The following PDE3A variants were observed in gnomAD, a reference collection of about 807,000 sequenced individuals.
PDE3A encodes phosphodiesterase 3A.
A neutral mutation model predicts 98.3 loss-of-function variants in PDE3A; 43 were observed. That is an observed-to-expected ratio of 0.44 (90% CI 0.34 to 0.56). The LOEUF (loss-of-function observed/expected upper bound fraction) is 0.56, where lower values mean the gene tolerates loss of function less well. Among genes scored for constraint, PDE3A ranks in the 20% least tolerant of loss-of-function variants. The probability of loss-of-function intolerance (pLI) is 0.01; values close to 1 mark genes in which losing one functional copy is unlikely to be tolerated. For synonymous variants in PDE3A, 663 were observed against 567.9 expected (o/e 1.17, Z -2.38); for missense variants, 1,427 against 1,440.7 (o/e 0.99, Z 0.15).
chr12:20,615,219 G>A (rs1470958816), intron 3 of PDE3A, among the ~76,000 whole-genome samples: 2 of 151,654 alleles, frequency 1.3e-5, no homozygotes. Context: ...TAACTTTTAA[G>A]GTCAAGAACC....
rs2229180 is a variant in PDE3A, at chr12:20,648,864, T to C, written c.2742T>C (p.Phe914=). The C allele has an allele frequency of 5.4e-3, 8,733 of 1,613,206 alleles. 61 individuals are homozygous for C. Among genetic ancestry groups the C allele is most frequent in the Middle Eastern group, 0.017 (104 of 6,038 alleles). ...TGGCCACTGACCTGAAGAAACACTT[T>C]GACTTCGTAGCCAAATTTAATGGCA... is the stretch of plus-strand genomic sequence containing the variant. ...AILATDLKKH[F]DFVAKFNGKV... Residue 914 remains phenylalanine (F), a synonymous_variant, in exon 13 of 16, where the codon TTT becomes TTC. Transcript: ENST00000359062.
At chr12:20,415,061 CT>C (rs1334706010) in intron 1 of PDE3A, among the ~76,000 whole-genome samples, 8 of 150,808 alleles carry the variant, frequency 5.3e-5, no homozygotes, top group Non-Finnish European at 1.2e-4. Context: ...TAAAGACTTT[CT>C]TTTTTAACCA....
rs191590343 is a variant in PDE3A, at chr12:20,465,165, C to T, written c.961-91495C>T. Among the ~76,000 whole-genome samples, 5 of 152,166 alleles carry T rather than the reference C, an allele frequency of 3.3e-5. No homozygotes were observed. In the East Asian group the frequency reaches 5.8e-4, roughly 18 times the overall value. On this transcript the variant is annotated intron_variant, in intron 1 of 15. Transcript: ENST00000359062. ...AATCTTCCTTTCTGAGGATAAAAGTCGATGAAGTTGGAGGTTGCTTAACAA... is the reference window on the plus strand; with the variant it reads ...AATCTTCCTTTCTGAGGATAAAAGTTGATGAAGTTGGAGGTTGCTTAACAA...
At chr12:20,543,902 G>A (rs548491901) in intron 1 of PDE3A, among the ~76,000 whole-genome samples, 3 of 151,954 alleles carry the variant, frequency 2.0e-5, no homozygotes, top group African/African-American at 4.8e-5. Flanking sequence ...CAAATTGGAT[G>A]CTATTATTAG....
At chr12:20,639,117 G>C (rs1363871412) in intron 9 of PDE3A, among the ~76,000 whole-genome samples, 1 of 152,072 alleles carries the variant, frequency 6.6e-6, no homozygotes, top group Admixed American at 6.6e-5. Context: ...CAGTTTTACA[G>C]CACAAATGAC....
chr12:20,447,061 A>C (rs1944969020), intron 1 of PDE3A, among the ~76,000 whole-genome samples: 1 of 152,172 alleles, frequency 6.6e-6, no homozygotes, highest in African/African-American at 2.4e-5. Context: ...TATTCTGATA[A>C]AGACATTGCA....
rs113595563 is a variant in PDE3A, at chr12:20,521,901, G to A, written c.961-34759G>A. Among the ~76,000 whole-genome samples, 232 of 152,152 alleles carry A rather than the reference G, an allele frequency of 1.5e-3. No individual in the cohort carries two copies. In the Middle Eastern group the frequency reaches 0.017, roughly 11 times the overall value. On this transcript the variant is annotated intron_variant, in intron 1 of 15. Transcript: ENST00000359062. ...TGGTGGCAGGCTGGGCAGGAAAACC[G>A]CAACCACTTGCAAACAGCATGCAGT... is the stretch of plus-strand genomic sequence containing the variant.
At chr12:20,412,268 A>G (rs1409817786) in intron 1 of PDE3A, among the ~76,000 whole-genome samples, 2 of 152,244 alleles carry the variant, frequency 1.3e-5, no homozygotes, top group Non-Finnish European at 2.9e-5. Flanking sequence ...TTAATAGTAC[A>G]TGATGGAATA....
At position 20,387,190 on chromosome 12, in the gene PDE3A, T is replaced by C. The variant is rs11045203; in HGVS notation, c.960+16946T>C. On this transcript the variant is annotated intron_variant, in intron 1 of 15. Transcript: ENST00000359062. ...GTTACTGTGGCCTTGTAGTATAGTT[T>C]GAAATCAGGTAGCACAATGCCTGCT... Among the ~76,000 whole-genome samples, 684 of 152,242 alleles carry C rather than the reference T, an allele frequency of 4.5e-3. 30 individuals are homozygous for C. In the East Asian group the frequency reaches 0.1, roughly 23 times the overall value.
At chr12:20,451,846 G>T (rs1945071267) in intron 1 of PDE3A, among the ~76,000 whole-genome samples, 1 of 152,156 alleles carries the variant, frequency 6.6e-6, no homozygotes, top group Non-Finnish European at 1.5e-5. Flanking sequence ...CGTGGTTGCA[G>T]TTGTACATGG....
intron 4 of PDE3A, among the ~76,000 whole-genome samples, chr12:20,618,880 C>A (rs1002652841): frequency 1.8e-4 from 28 of 151,998 alleles, no homozygotes; most frequent in African/African-American, 5.3e-4. Context: ...ACTTTAAGGA[C>A]TTAGAATGGA....
At chr12:20,413,347 G>C (rs1222083687) in intron 1 of PDE3A, among the ~76,000 whole-genome samples, 1 of 152,098 alleles carries the variant, frequency 6.6e-6, no homozygotes, top group Admixed American at 6.5e-5. Context: ...TGTTGTTGCT[G>C]TTCTGTTTTG....
intron 1 of PDE3A, among the ~76,000 whole-genome samples, chr12:20,539,642 A>T (rs1013372213): frequency 1.3e-5 from 2 of 152,066 alleles, no homozygotes; most frequent in African/African-American, 4.8e-5. Flanking sequence ...GGATGAATGG[A>T]TAGATGGATG....
chr12:20,489,898 A>T (rs1441961516), intron 1 of PDE3A, among the ~76,000 whole-genome samples: 2 of 152,176 alleles, frequency 1.3e-5, no homozygotes, highest in Non-Finnish European at 2.9e-5. Flanking sequence ...TTGACGTCAT[A>T]GAGGCAGAAG....
intron 1 of PDE3A, among the ~76,000 whole-genome samples, chr12:20,527,673 C>T (rs183838778): frequency 6.6e-6 from 1 of 152,200 alleles, no homozygotes; most frequent in Non-Finnish European, 1.5e-5. Context: ...AGATCTGCAG[C>T]TGGCTGAGTA....
At chr12:20,438,286 A>C (rs1444232399) in intron 1 of PDE3A, among the ~76,000 whole-genome samples, 1 of 152,192 alleles carries the variant, frequency 6.6e-6, no homozygotes, top group Non-Finnish European at 1.5e-5. Context: ...AGTGTTTACT[A>C]TAAGGCTTTA....
chr12:20,548,965 A>AT (rs368913536), intron 1 of PDE3A, among the ~76,000 whole-genome samples: 42 of 151,378 alleles, frequency 2.8e-4, no homozygotes, highest in African/African-American at 5.1e-4. Context: ...GTGAATAACC[A>AT]TTTTTTTTTA....
intron 1 of PDE3A, among the ~76,000 whole-genome samples, chr12:20,429,619 A>G (rs1365189458): frequency 1.3e-5 from 2 of 152,160 alleles, no homozygotes; most frequent in East Asian, 3.9e-4. Context: ...GCTCACTTTA[A>G]CTTAGAAGGT....
intron 2 of PDE3A, among the ~76,000 whole-genome samples, chr12:20,607,207 G>A (rs1385400547): frequency 6.6e-6 from 1 of 152,086 alleles, no homozygotes; most frequent in Non-Finnish European, 1.5e-5. Context: ...GGGAGGCCAA[G>A]GTGGGAGGAT....
Sources: allele counts gnomAD v4.1 joint callset (sites outside exome capture counted in the v4.1 genomes callset), GRCh38; gene constraint gnomAD v4.1.1; transcripts MANE v1.5; gene names NCBI Gene and HGNC (gene_info 2026-07-23, HGNC 2026-07-21).